The following USP32 variants were observed in gnomAD, a reference collection of about 807,000 sequenced individuals.
USP32 encodes ubiquitin specific peptidase 32, also known as ubiquitin carboxyl-terminal hydrolase 32.
Under a neutral mutation model 204.8 loss-of-function variants are expected in USP32, and 59 were observed. The observed-to-expected ratio is 0.29, with a 90% CI of 0.23 to 0.36. The LOEUF is 0.36. USP32 is among the 10% of genes least tolerant of loss of function. USP32 has a pLI of 1.00. For missense variants in USP32, 1,160 were observed against 1,946.4 expected, an observed-to-expected ratio of 0.60 and a Z score of 7.60; for synonymous variants, 517 against 678.4, an observed-to-expected ratio of 0.76 and a Z score of 3.70.
rs1184329084 is a variant in USP32, at chr17:60,271,209, C to T, written c.703+141G>A. 5 of 1,072,340 alleles carry T rather than the reference C, an allele frequency of 4.7e-6. No homozygotes were observed. In the East Asian group the frequency reaches 7.9e-5, roughly 17 times the overall value. The allele number at this position is 1,072,340 out of a possible 1,614,324, so 66.4% of individuals were successfully genotyped here. On this transcript the variant is annotated intron_variant, in intron 6 of 33. Coordinates refer to ENST00000300896, the MANE Select transcript of USP32 (RefSeq NM_032582.4). ...GGCTCAAGACTATAATAATAATTCC[C>T]ATTTGTTTTTCCCCACTCCATTAAA...
intron 1 of USP32, among the ~76,000 whole-genome samples, chr17:60,391,630 G>A (rs947818311): frequency 6.6e-6 from 1 of 152,158 alleles, no homozygotes; most frequent in Admixed American, 6.5e-5. Context: ...CGCCACCAGC[G>A]AGCACGGGCA....
intron 24 of USP32, among the ~76,000 whole-genome samples, chr17:60,207,414 A>G (rs1472587353): frequency 6.6e-6 from 1 of 152,046 alleles, no homozygotes; most frequent in Non-Finnish European, 1.5e-5. Context: ...CAACCCTCAG[A>G]GACTCCATTT....
chr17:60,257,181 G>C (rs2086329854), intron 9 of USP32: 1 of 162,320 alleles, frequency 6.2e-6, no homozygotes, highest in Non-Finnish European at 1.3e-5. Flanking sequence ...GCTCAAGTCT[G>C]TCTCCCTGTG....
chr17:60,338,302 G>C (rs2088573435), intron 2 of USP32, among the ~76,000 whole-genome samples: 1 of 150,368 alleles, frequency 6.7e-6, no homozygotes, highest in African/African-American at 2.4e-5. Context: ...TCCAGCCTGG[G>C]TGACAGAGCA....
At chr17:60,284,021 T>C (rs1179483119) in intron 5 of USP32, among the ~76,000 whole-genome samples, 1 of 152,078 alleles carries the variant, frequency 6.6e-6, no homozygotes, top group Admixed American at 6.6e-5. Flanking sequence ...GAAACTACAA[T>C]GTTTCAAAAG....
intron 2 of USP32, among the ~76,000 whole-genome samples, chr17:60,332,789 TAAAC>T (rs771509605): frequency 6.6e-6 from 1 of 152,250 alleles, no homozygotes; most frequent in African/African-American, 2.4e-5. Flanking sequence ...AATGTAATCT[TAAAC>T]ATGCATGCTA....
intron 1 of USP32, among the ~76,000 whole-genome samples, chr17:60,367,332 A>C (rs2089337661): frequency 6.6e-6 from 1 of 152,034 alleles, no homozygotes; most frequent in Non-Finnish European, 1.5e-5. Flanking sequence ...ATATAATGAG[A>C]CCTTGTCTCT....
intron 29 of USP32, among the ~76,000 whole-genome samples, chr17:60,186,649 G>A (rs1310539383): frequency 1.3e-5 from 2 of 152,132 alleles, no homozygotes; most frequent in South Asian, 2.1e-4. Flanking sequence ...AAACCTTTGG[G>A]GTCCTGTTAA....
chr17:60,374,359 CTCCTGAAG>C (rs928304360), intron 1 of USP32, among the ~76,000 whole-genome samples: 2 of 151,824 alleles, frequency 1.3e-5, no homozygotes, highest in Non-Finnish European at 2.9e-5. Flanking sequence ...TCTGAAATAC[CTCCTGAAG>C]GACTTGCCTA....
intron 1 of USP32, among the ~76,000 whole-genome samples, chr17:60,411,473 A>G (rs938950930): frequency 3.4e-4 from 48 of 140,230 alleles, no homozygotes; most frequent in African/African-American, 9.7e-4. Flanking sequence ...TGATTGTACC[A>G]TTACACTCTA....
At chr17:60,297,447 C>CT (rs76483542) in intron 3 of USP32, among the ~76,000 whole-genome samples, 3,490 of 144,058 alleles carry the variant, frequency 0.024, 135 homozygotes, top group African/African-American at 0.078. Context: ...TTTTCCTTTT[C>CT]TTTTTTTTTT....
intron 1 of USP32, among the ~76,000 whole-genome samples, chr17:60,368,025 T>A (rs1387253508): frequency 2.6e-5 from 4 of 152,180 alleles, no homozygotes; most frequent in East Asian, 3.8e-4. Flanking sequence ...CCATTTTATA[T>A]AAGAAACATG....
chr17:60,369,979 T>G (rs1422877820), intron 1 of USP32, among the ~76,000 whole-genome samples: 2 of 152,106 alleles, frequency 1.3e-5, no homozygotes, highest in Non-Finnish European at 2.9e-5. Flanking sequence ...CCTCAAGTAA[T>G]CCTCCCACCT....
At chr17:60,310,103 T>C (rs1277417719) in intron 2 of USP32, among the ~76,000 whole-genome samples, 3 of 151,592 alleles carry the variant, frequency 2.0e-5, no homozygotes, top group Non-Finnish European at 4.4e-5. Context: ...CTGGTGAGGA[T>C]GTGGAGAAAG....
chr17:60,303,777 C>T (rs1325530268), intron 2 of USP32, among the ~76,000 whole-genome samples: 1 of 151,932 alleles, frequency 6.6e-6, no homozygotes, highest in Non-Finnish European at 1.5e-5. Context: ...GAAAAATATG[C>T]TAATGGAGTT....
At chr17:60,421,855 C>G (rs2090120663) in intron 1 of USP32, 2 of 985,340 alleles carry the variant, frequency 2.0e-6, no homozygotes, top group South Asian at 9.4e-5. Flanking sequence ...GCTGCGCACA[C>G]GAGGCCGGCG....
chr17:60,365,924 G>A (rs1018922902), intron 1 of USP32, among the ~76,000 whole-genome samples: 6 of 152,058 alleles, frequency 3.9e-5, no homozygotes, highest in Non-Finnish European at 8.8e-5. Context: ...GGCTATGTGG[G>A]GTTTTTCGGT....
chr17:60,193,592 G>T (rs2084440547), intron 27 of USP32, among the ~76,000 whole-genome samples: 1 of 151,714 alleles, frequency 6.6e-6, no homozygotes, highest in Non-Finnish European at 1.5e-5. Context: ...ACAATTCCTT[G>T]AACCTGGGAG....
chr17:60,236,014 G>A (rs937537033), intron 12 of USP32, 124 bp downstream of exon 12: 14 of 768,744 alleles, frequency 1.8e-5, no homozygotes, highest in Middle Eastern at 2.5e-4. Context: ...CTTTCCCTTC[G>A]AATCTTTATT....
Sources: gnomAD v4.1 joint callset for allele counts (sites outside exome capture counted in the v4.1 genomes callset) on GRCh38, gnomAD v4.1.1 for gene constraint, MANE v1.5 for transcripts, NCBI Gene and HGNC (gene_info 2026-07-23, HGNC 2026-07-21) for gene names.